Variants in ISM1 observed in about 807,000 individuals in gnomAD.
ISM1 encodes isthmin-1.
In ISM1, 25 loss-of-function variants were observed where a neutral mutation model predicts 46.3. The ratio of observed to expected loss-of-function variants is 0.54; its 90% CI spans 0.39 to 0.75. ISM1 has a LOEUF of 0.75. ISM1 is among the 30% of genes least tolerant of loss of function. The probability of loss-of-function intolerance (pLI) is 0.00; values close to 1 mark genes in which losing one functional copy is unlikely to be tolerated. For missense variants in ISM1, 536 were observed against 625.4 expected (o/e 0.86, Z 1.52); for synonymous variants, 255 against 256.7 (o/e 0.99, Z 0.06).
the ISM1 span, among the ~76,000 whole-genome samples, chr20:13,321,251 C>CAAAAAAAAAAAAAAAAAA: frequency 8.4e-5 from 2 of 23,708 alleles, no homozygotes; most frequent in Non-Finnish European, 1.4e-4. Flanking sequence ...ATGTGCCCCA[C>CAAAAAAAAAAAAAAAAAA]ATAAAAAAAA....
the ISM1 span, among the ~76,000 whole-genome samples, chr20:13,311,441 T>A: frequency 6.6e-6 from 1 of 152,138 alleles, no homozygotes; most frequent in Non-Finnish European, 1.5e-5. Flanking sequence ...TGGGTATATA[T>A]CCAAAGAAAA....
the ISM1 span, among the ~76,000 whole-genome samples, chr20:13,318,495 T>G: frequency 4.6e-5 from 7 of 152,294 alleles, no homozygotes; most frequent in East Asian, 1.4e-3. Context: ...CCAAAAAACT[T>G]GAAAAATTGT....
At chr20:13,326,604 C>T in the ISM1 span, among the ~76,000 whole-genome samples, 20,597 of 152,026 alleles carry the variant, frequency 0.14, 1,665 homozygotes, top group Non-Finnish European at 0.17. Flanking sequence ...ATTTCCTTAG[C>T]GTTTCATGAT....
At chr20:13,292,754 G>A (rs995584821) in intron 5 of ISM1, among the ~76,000 whole-genome samples, 6 of 152,230 alleles carry the variant, frequency 3.9e-5, no homozygotes, top group African/African-American at 9.6e-5. Context: ...CATAGCAGGG[G>A]CTCAAGTCAC....
chr20:13,240,080 C>A (rs1384613268), intron 1 of ISM1, among the ~76,000 whole-genome samples: 2 of 152,110 alleles, frequency 1.3e-5, no homozygotes, highest in African/African-American at 2.4e-5. Context: ...TGCAGTAAGG[C>A]AAATGAAATA....
downstream of ISM1, among the ~76,000 whole-genome samples, chr20:13,304,641 A>G (rs1472806894): frequency 6.6e-6 from 1 of 152,192 alleles, no homozygotes; most frequent in African/African-American, 2.4e-5. Context: ...GGGAGTCAAC[A>G]GACTGAGTGC....
intron 2 of ISM1, among the ~76,000 whole-genome samples, chr20:13,274,059 T>TTCTGTG (rs1555813314): frequency 6.6e-5 from 10 of 150,714 alleles, no homozygotes; most frequent in Admixed American, 6.6e-4. Flanking sequence ...TGGCGTGTAA[T>TTCTGTG]TGTGTGTGTG....
intron 1 of ISM1, among the ~76,000 whole-genome samples, chr20:13,234,132 T>C (rs2039620895): frequency 6.6e-6 from 1 of 152,134 alleles, no homozygotes. Flanking sequence ...CTCCCACCTT[T>C]TGGAGTCCCC....
chr20:13,271,263 A>G (rs1313105764), intron 2 of ISM1, among the ~76,000 whole-genome samples: 4 of 152,210 alleles, frequency 2.6e-5, no homozygotes, highest in Non-Finnish European at 5.9e-5. Context: ...CCGTTACTCT[A>G]AAGTATACAT....
chr20:13,229,429 A>C (rs987936995), intron 1 of ISM1, among the ~76,000 whole-genome samples: 1 of 152,020 alleles, frequency 6.6e-6, no homozygotes, highest in Admixed American at 6.5e-5. Flanking sequence ...TACTTTTTGC[A>C]TTTTTCCATG....
At chr20:13,264,315 T>C (rs2040020725) in intron 1 of ISM1, among the ~76,000 whole-genome samples, 3 of 152,204 alleles carry the variant, frequency 2.0e-5, no homozygotes, top group African/African-American at 7.2e-5. Flanking sequence ...AATTTGTTAC[T>C]GATTTGTGCC....
the ISM1 span, among the ~76,000 whole-genome samples, chr20:13,314,219 T>C: frequency 6.6e-6 from 1 of 152,028 alleles, no homozygotes; most frequent in Non-Finnish European, 1.5e-5. Context: ...GAAATAATAA[T>C]AACAGAATTT....
intron 1 of ISM1, among the ~76,000 whole-genome samples, chr20:13,225,820 C>T (rs1200561026): frequency 6.6e-6 from 1 of 152,042 alleles, no homozygotes. Context: ...TAATCAGATA[C>T]TCAGATTAGT....
intron 1 of ISM1, among the ~76,000 whole-genome samples, chr20:13,227,723 T>C (rs2039543175): frequency 6.6e-6 from 1 of 151,724 alleles, no homozygotes; most frequent in African/African-American, 2.4e-5. Context: ...TTAGCCAGGA[T>C]GGTCTCGATC....
In ISM1 at chr20:13,270,629, A is replaced by G. The variant is rs774476687; in HGVS notation, c.264A>G (p.Gln88=). The change falls in exon 2 of 6, where the codon CAA becomes CAG. Residue 88 remains glutamine, a synonymous_variant. Transcript: ENST00000262487. ...CCTTCCCCAGACCGCGATTCCGACA[A>G]GAGACGGGGCACCCTTCATTGCAAA... The part of the protein sequence containing the change: ...HQPFPRPRFR[Q]ETGHPSLQRD... 1.2e-6 allele frequency: 2 copies of G among 1,613,884 alleles called. No homozygotes were observed. The highest frequency in any genetic ancestry group is 1.7e-6 in the Non-Finnish European group (2 of 1,179,896).
In ISM1 at chr20:13,224,995, GC is replaced by G. The variant is rs111643040; in HGVS notation, c.138+3083del. Among the ~76,000 whole-genome samples, 14 of 150,438 alleles carry G rather than the reference GC, an allele frequency of 9.3e-5. 1 individual carries two copies. The highest frequency in any genetic ancestry group is 2.9e-4 in the African/African-American group (12 of 40,894). Reference sequence around the variant, plus strand: ...CAAGTAGCTGGGACTACAGGCGCCTGCCACCACGCCCGGCTAATTTTTTTTT... The same window carrying G: ...CAAGTAGCTGGGACTACAGGCGCCTGCACCACGCCCGGCTAATTTTTTTTT... On this transcript the variant is annotated intron_variant, in intron 1 of 5. Coordinates refer to ENST00000262487, the MANE Select transcript of ISM1 (RefSeq NM_080826.2).
chr20:13,241,269 A>T (rs2039719147), intron 1 of ISM1, among the ~76,000 whole-genome samples: 1 of 152,208 alleles, frequency 6.6e-6, no homozygotes, highest in Non-Finnish European at 1.5e-5. Flanking sequence ...ATGGAGACAG[A>T]ATATACAAAT....
chr20:13,260,873 G>C (rs922104424), intron 1 of ISM1, among the ~76,000 whole-genome samples: 4 of 152,174 alleles, frequency 2.6e-5, no homozygotes, highest in Non-Finnish European at 5.9e-5. Flanking sequence ...GGCTCTCATA[G>C]CCTGGGGAGG....
intron 1 of ISM1, among the ~76,000 whole-genome samples, chr20:13,261,419 CT>C (rs2039987970): frequency 6.8e-6 from 1 of 147,254 alleles, no homozygotes; most frequent in South Asian, 2.2e-4. Flanking sequence ...GAGTGAAACT[CT>C]GTCTCAAAAA....
Sources: gnomAD v4.1 joint callset for allele counts (sites outside exome capture counted in the v4.1 genomes callset) on GRCh38, gnomAD v4.1.1 for gene constraint, MANE v1.5 for transcripts, NCBI Gene and HGNC (gene_info 2026-07-23, HGNC 2026-07-21) for gene names.